PCDHGB4: variants seen among roughly 807,000 people sequenced by gnomAD.
The protein encoded by PCDHGB4 is protocadherin gamma subfamily B, 4, also known as protocadherin gamma-B4.
PCDHGB4 carries 38 observed loss-of-function variants against 60.5 expected under a neutral mutation model. The observed-to-expected ratio is 0.63, with a 90% confidence interval of 0.48 to 0.82. The LOEUF (loss-of-function observed/expected upper bound fraction) is 0.82, where lower values mean the gene tolerates loss of function less well. Ranked by LOEUF, PCDHGB4 falls within the 40% of genes least tolerant of loss-of-function variation. PCDHGB4 has a pLI of 0.00. For synonymous variants in PCDHGB4, 456 were observed against 509.7 expected, an observed-to-expected ratio of 0.89 and a Z score of 1.42; for missense variants, 1,109 against 1,209.6, an observed-to-expected ratio of 0.92 and a Z score of 1.23.
intron 1 of PCDHGB4, chr5:141,422,492 C>A (rs747903569): frequency 2.5e-6 from 4 of 1,613,816 alleles, no homozygotes; most frequent in African/African-American, 2.7e-5. Flanking sequence ...TACAATATAA[C>A]GTTGACAGCC....
chr5:141,389,538 G>C lies in PCDHGB4; in HGVS notation c.1654G>C (p.Asp552His), dbSNP rs772693461. The C allele has an allele frequency of 6.2e-7, 1 of 1,613,186 alleles. No homozygotes were observed. The highest frequency in any genetic ancestry group is 1.3e-5 in the African/African-American group (1 of 75,054). The change falls in exon 1 of 4, where the codon GAC (aspartate) becomes CAC (histidine). Residue 552 changes from aspartate (D) to histidine (H), a missense_variant. By Grantham distance (81) the Asp-to-His change is moderately conservative. This residue lies in a region of PCDHGB4 where 1,068 missense variants were observed against 1,089.9 expected (regional missense o/e 0.98). Transcript: ENST00000519479. ...CGTGAGCCTGCGCGTGTTAGTGGAC[G>C]ACCGCAACGACAATGCGCCACGGGT... is the stretch of plus-strand genomic sequence containing the variant. ...ANVSLRVLVD[D>H]RNDNAPRVLY...
chr5:141,484,532 G>A (rs1421387882), intron 1 of PCDHGB4, among the ~76,000 whole-genome samples: 1 of 152,182 alleles, frequency 6.6e-6, no homozygotes, highest in Non-Finnish European at 1.5e-5. Context: ...TTGAGTATAT[G>A]GCAGTGGTTC....
At chr5:141,430,635 T>C (rs1561846344) in intron 1 of PCDHGB4, 1 of 881,828 alleles carries the variant, frequency 1.1e-6, no homozygotes, top group African/African-American at 1.7e-5. Context: ...GAACCATCCC[T>C]GGGAGTATGT....
At chr5:141,463,981 A>G (rs1441851777) in intron 1 of PCDHGB4, among the ~76,000 whole-genome samples, 1 of 152,150 alleles carries the variant, frequency 6.6e-6, no homozygotes, top group Non-Finnish European at 1.5e-5. Context: ...ACTCCATTGT[A>G]AAAACCAGGT....
rs111842066 is a variant in PCDHGB4, at chr5:141,486,269, G to A, written c.2398-8538G>A. 6.2e-7 allele frequency: 1 copy of A among 1,613,996 alleles called. No homozygotes were observed. Reference sequence around the variant, plus strand: ...AACCCTCCCCGAGAGTGCAGAACCTGGCACTGTGGTGGCACTTATCAGTGT... The same window carrying A: ...AACCCTCCCCGAGAGTGCAGAACCTAGCACTGTGGTGGCACTTATCAGTGT... On this transcript the variant is annotated intron_variant, in intron 1 of 3. Transcript: ENST00000519479. This position sits in a 1 kb window ranked among gnomAD's most constrained non-coding sequence, Gnocchi z 5.0.
In PCDHGB4 at chr5:141,388,930, C is replaced by G; in HGVS notation, c.1046C>G (p.Ser349Cys). 6.2e-7 allele frequency: 1 copy of G among 1,614,002 alleles called. No homozygotes were observed. The highest frequency in any genetic ancestry group is 1.1e-5 in the South Asian group (1 of 91,086). Residue 349 changes from serine (S) to cysteine (C), a missense_variant, in exon 1 of 4, where the codon TCT becomes TGT. By Grantham distance (112) the Ser-to-Cys change is moderately radical. Around this residue, in one of 2 missense-constraint regions of PCDHGB4, gnomAD observed 1,068 missense variants for 1,089.9 expected, o/e 0.98. Transcript: ENST00000519479. The stretch of plus-strand genomic sequence containing the variant: ...AACGCCCCAGAAGTGATATTCCAGT[C>G]TCTACCCAACCTAATTATGGAGGAC... ...NDNAPEVIFQSLPNLIMEDAE... is the reference protein window; with the variant it reads ...NDNAPEVIFQCLPNLIMEDAE...
chr5:141,491,850 T>C lies in PCDHGB4; in HGVS notation c.2398-2957T>C. ...CCCGATTCTCGGGATCATTGGACCG[T>C]TTGCGCGAAACCAGAGTGGCCGATT... On this transcript the variant is annotated intron_variant, in intron 1 of 3. Transcript: ENST00000519479. The surrounding 1 kb of genome is among the most constrained non-coding windows in gnomAD (Gnocchi z 6.9). 6.8e-7 allele frequency: 1 copy of C among 1,460,996 alleles called. No homozygotes were observed. The highest frequency in any genetic ancestry group is 2.5e-5 in the East Asian group (1 of 40,084). The allele number at this position is 1,460,996 out of a possible 1,614,324, so 90.5% of individuals were successfully genotyped here.
intron 1 of PCDHGB4, chr5:141,398,688 T>C: frequency 1.2e-6 from 2 of 1,613,938 alleles, no homozygotes; most frequent in South Asian, 2.2e-5. Flanking sequence ...AGAAACAGGA[T>C]GGTAGTAAAT....
At chr5:141,465,767 T>A (rs1427458413) in intron 1 of PCDHGB4, among the ~76,000 whole-genome samples, 1 of 152,016 alleles carries the variant, frequency 6.6e-6, no homozygotes, top group Non-Finnish European at 1.5e-5. Context: ...TCATGTTTCA[T>A]CTCTTGTTAC....
At chr5:141,405,353 AT>A in intron 1 of PCDHGB4, 3 of 1,614,026 alleles carry the variant, frequency 1.9e-6, no homozygotes, top group Non-Finnish European at 2.5e-6. Context: ...CAAGTTTCCT[AT>A]AGAAGACACC....
Position 141,494,815 on chromosome 5 carries a change from G to C in PCDHGB4, c.2406G>C (p.Pro802=). 6.2e-7 allele frequency: 1 copy of C among 1,613,976 alleles called. No individual in the cohort carries two copies. The highest frequency in any genetic ancestry group is 8.5e-7 in the Non-Finnish European group (1 of 1,179,982). Residue 802 remains proline, a synonymous_variant, in exon 2 of 4, where the codon CCG becomes CCC. Transcript: ENST00000519479. Reference sequence around the variant, plus strand: ...CTCTGTTTTCTCCACAGCAAGCCCCGCCCAACACGGACTGGCGTTTCTCTC... The same window carrying C: ...CTCTGTTTTCTCCACAGCAAGCCCCCCCCAACACGGACTGGCGTTTCTCTC... ...SSELTSHQQA[P]PNTDWRFSQA...
intron 1 of PCDHGB4, chr5:141,419,779 GCGCCTGCTAGT>G: frequency 6.2e-7 from 1 of 1,614,064 alleles, no homozygotes; most frequent in Non-Finnish European, 8.5e-7. Flanking sequence ...CGGTCCGCCA[GCGCCTGCTAGT>G]CGCTGTAAGA....
intron 1 of PCDHGB4, among the ~76,000 whole-genome samples, chr5:141,426,006 G>C (rs1013613474): frequency 2.0e-5 from 3 of 152,104 alleles, no homozygotes; most frequent in African/African-American, 7.2e-5. Flanking sequence ...AAGGCTTCCG[G>C]CTGCAGTTTT....
At chr5:141,488,260 G>A (rs1297588710) in intron 1 of PCDHGB4, among the ~76,000 whole-genome samples, 2 of 152,182 alleles carry the variant, frequency 1.3e-5, no homozygotes, top group Non-Finnish European at 1.5e-5. Context: ...AGGTTGGGGC[G>A]GGTTGGTCAT....
At chr5:141,399,041 T>A (rs375762745) in intron 1 of PCDHGB4, 150 of 1,613,746 alleles carry the variant, frequency 9.3e-5, no homozygotes, top group Non-Finnish European at 1.2e-4. Context: ...AAACTGGATT[T>A]TGAAGAGACC....
At chr5:141,421,474 G>A (rs1320526226) in intron 1 of PCDHGB4, 2 of 1,614,014 alleles carry the variant, frequency 1.2e-6, no homozygotes, top group Non-Finnish European at 1.7e-6. Flanking sequence ...TCCGCGAAGC[G>A]GCAGCTTGAT....
intron 1 of PCDHGB4, chr5:141,422,327 T>C (rs1561800795): frequency 1.3e-6 from 2 of 1,548,652 alleles, no homozygotes; most frequent in African/African-American, 2.8e-5. Context: ...GGTACAGTGA[T>C]TGCTCTTCTA....
chr5:141,405,010 CT>C (rs2094596164), intron 1 of PCDHGB4: 3 of 1,614,014 alleles, frequency 1.9e-6, no homozygotes, highest in Non-Finnish European at 2.5e-6. Context: ...ACCTGGAGGC[CT>C]CAGACCTTAC....
intron 1 of PCDHGB4, chr5:141,428,594 G>T (rs1317075888): frequency 4.4e-6 from 1 of 227,916 alleles, no homozygotes; most frequent in Admixed American, 5.2e-5. Context: ...CTGGTAGCAA[G>T]CTTCACTGAA....
Sources: allele counts gnomAD v4.1 joint callset (sites outside exome capture counted in the v4.1 genomes callset), GRCh38; gene constraint gnomAD v4.1.1; regional missense constraint gnomAD v4.1.1; non-coding constraint Gnocchi (gnomAD v3.1); transcripts MANE v1.5; gene names NCBI Gene and HGNC (gene_info 2026-07-23, HGNC 2026-07-21).